EIF2B4: variants seen among roughly 807,000 people sequenced by gnomAD.
The protein encoded by EIF2B4 is eukaryotic translation initiation factor 2B subunit delta.
In EIF2B4, 34 loss-of-function variants were observed where a neutral mutation model predicts 66.7. The observed-to-expected ratio is 0.51, with a 90% CI of 0.39 to 0.68. EIF2B4 has a LOEUF of 0.68. Ranked by LOEUF, EIF2B4 falls within the 30% of genes least tolerant of loss-of-function variation. The pLI is 0.00. For synonymous variants in EIF2B4, 278 were observed against 253.6 expected, an observed-to-expected ratio of 1.10 and a Z score of -0.92; for missense variants, 618 against 657.9, an observed-to-expected ratio of 0.94 and a Z score of 0.66.
intron 11 of EIF2B4, 68 bp downstream of exon 11, chr2:27,366,691 G>A (rs1681886346): frequency 5.7e-6 from 9 of 1,572,140 alleles, no homozygotes; most frequent in Admixed American, 3.3e-5. Context: ...CTTTGGGAAG[G>A]TGAGATTATG....
At position 27,369,140 on chromosome 2, in the gene EIF2B4, C is replaced by T. The variant is rs1473812502; in HGVS notation, c.284G>A (p.Arg95Gln). ...CTCAGCCCGAAGTTCGGCCTTACTC[C>T]GACCAGCTGGAACTTTCTCCCGAGG... ...GTPREKVPAGRSKAELRAERR... is the reference protein window; with the variant it reads ...GTPREKVPAGQSKAELRAERR... Residue 95 changes from arginine to glutamine, a missense_variant, in exon 4 of 13, where the codon CGG (arginine) becomes CAG (glutamine). Physicochemically the swap from Arg to Gln is conservative, Grantham distance 43 (BLOSUM62 1). Coordinates refer to ENST00000347454, the MANE Select transcript of EIF2B4 (RefSeq NM_001034116.2). The T allele has an allele frequency of 1.2e-6, 2 of 1,613,976 alleles. No individual in the cohort carries two copies. The highest frequency in any genetic ancestry group is 1.7e-5 in the Admixed American group (1 of 60,008).
At position 27,364,405 on chromosome 2, in the gene EIF2B4, G is replaced by A. The variant is rs866717709; in HGVS notation, c.1567C>T (p.Gln523Ter). The change falls in exon 13 of 13, where the codon CAG (glutamine) becomes TAG (stop). Residue 523 changes from glutamine (Q) to a stop codon, truncating the protein, a stop_gained. Transcript: ENST00000347454. LOFTEE classifies it high-confidence loss of function. ...PVVLRVKSSD[Q>*] is the part of the protein sequence containing the mutation. The stretch of plus-strand genomic sequence containing the variant: ...TTAACCCTGTGTTTCCCCCGTCACT[G>A]GTCACTGCTCTTGACTCGTAGAACA... The A allele has an allele frequency of 6.2e-7, 1 of 1,613,870 alleles. No homozygotes were observed. The highest frequency in any genetic ancestry group is 1.3e-5 in the African/African-American group (1 of 74,892).
intron 11 of EIF2B4, chr2:27,365,744 G>A (rs1162716803): frequency 6.6e-6 from 1 of 152,094 alleles, no homozygotes; most frequent in Non-Finnish European, 1.5e-5. Flanking sequence ...ATCTCCCACA[G>A]GAAAAGTAAA....
Position 27,370,302 on chromosome 2 carries a change from C to A in EIF2B4, c.13G>T (p.Ala5Ser), listed in dbSNP as rs1188573793. The A allele has an allele frequency of 6.5e-7, 1 of 1,545,432 alleles. No homozygotes were observed. Among genetic ancestry groups the A allele is most frequent in the Non-Finnish European group, 8.7e-7 (1 of 1,147,934 alleles). MAAV[A>S]VAVREDSGSG... ...CACTCACCCTCGCGAACAGCCACGG[C>A]CACAGCAGCCATCGCCCTCAGTCCT... The change falls in exon 1 of 13, where the codon GCC becomes TCC. Residue 5 changes from alanine to serine, a missense_variant. Ala to Ser is a moderately conservative substitution (Grantham distance 99, BLOSUM62 1). Coordinates refer to ENST00000347454, the MANE Select transcript of EIF2B4 (RefSeq NM_001034116.2).
At position 27,369,885 on chromosome 2, in the gene EIF2B4, A is replaced by AG; in HGVS notation, c.65dup (p.Gly23TrpfsTer75). On this transcript the variant is annotated frameshift_variant, in exon 2 of 13. Transcript: ENST00000347454. LOFTEE classifies it high-confidence loss of function. ...GGGAAGCCTCACTTACCCCAGGCCC[A>AG]GGGGGAAGCTCCGCCTTCATCCCGG... 6.3e-7 allele frequency: 1 copy of AG among 1,583,644 alleles called. No homozygotes were observed. Among genetic ancestry groups the AG allele is most frequent in the Non-Finnish European group, 8.6e-7 (1 of 1,165,262 alleles).
In EIF2B4 at chr2:27,367,069, C is replaced by T; in HGVS notation, c.1013+5G>A. On this transcript the variant is annotated splice_donor_5th_base_variant and intron_variant, in intron 10 of 12. Transcript: ENST00000347454. ...ATCTGCTCAGTCACAAGGTCTGGAC[C>T]ATACCATCCATATACCAGGATCACA... 3 of 1,614,124 alleles carry T rather than the reference C, an allele frequency of 1.9e-6. No homozygotes were observed. Among genetic ancestry groups the T allele is most frequent in the Middle Eastern group, 1.6e-4 (1 of 6,062 alleles).
In EIF2B4 at chr2:27,366,920, G is replaced by C; in HGVS notation, c.1030C>G (p.Arg344Gly). The change falls in exon 11 of 13, where the codon CGA (arginine) becomes GGA (glycine). Residue 344 changes from arginine to glycine, a missense_variant. Transcript: ENST00000347454. The part of the protein sequence containing the change: ...LVYGCSSLVS[R>G]ILQEAWTEGR... ...TCTGTCCAAGCCTCCTGAAGAATTC[G>C]TGATACCAGAGATGAGCTAGAGTGA... 6.2e-7 allele frequency: 1 copy of C among 1,614,164 alleles called. No individual in the cohort carries two copies. The highest frequency in any genetic ancestry group is 1.1e-5 in the South Asian group (1 of 91,082).
rs1681961696 is a variant in EIF2B4, at chr2:27,367,671, A to T, written c.782+75T>A. ...AAAATAGAACACAAAATGAAAAGAG[A>T]GATAGAAAAGCAGGAAAAAGAGTAC... On this transcript the variant is annotated intron_variant, in intron 8 of 12. Coordinates refer to ENST00000347454, the MANE Select transcript of EIF2B4 (RefSeq NM_001034116.2). 7.6e-6 allele frequency: 12 copies of T among 1,585,882 alleles called. No individual in the cohort carries two copies. In the South Asian group the frequency reaches 1.1e-4, roughly 15 times the overall value.
At chr2:27,368,903 T>C (rs1682085599) in intron 4 of EIF2B4, 103 bp downstream of exon 4, 1 of 1,509,790 alleles carries the variant, frequency 6.6e-7, no homozygotes, top group African/African-American at 1.4e-5. Context: ...AATTCAGAAC[T>C]CTGGGTCCCA....
intron 3 of EIF2B4, 47 bp from the exon 4 acceptor site, chr2:27,369,259 T>C: frequency 6.2e-7 from 1 of 1,605,460 alleles, no homozygotes; most frequent in Non-Finnish European, 8.5e-7. Context: ...GCAGGTGATA[T>C]CCGTGCCCCA....
At chr2:27,369,362 A>T in intron 3 of EIF2B4, 52 bp downstream of exon 3, 4 of 1,612,598 alleles carry the variant, frequency 2.5e-6, no homozygotes, top group Non-Finnish European at 3.4e-6. Flanking sequence ...CTCCCACCAC[A>T]TCCCTCTACC....
chr2:27,367,798 G>A lies in EIF2B4; in HGVS notation c.730C>T (p.Pro244Ser). 1 of 1,614,082 alleles carries A rather than the reference G, an allele frequency of 6.2e-7. No individual in the cohort carries two copies. Among genetic ancestry groups the A allele is most frequent in the South Asian group, 1.1e-5 (1 of 91,080 alleles). ...QQVIQDYTTP[P>S]NEELSRDLVN... is the part of the protein sequence containing the mutation. ...AGATCCCTGGAGAGTTCTTCATTAGGCGGTGTTGTGTAATCCTGAATCACC... is the reference window on the plus strand; with the variant it reads ...AGATCCCTGGAGAGTTCTTCATTAGACGGTGTTGTGTAATCCTGAATCACC... Residue 244 changes from proline (P) to serine (S), a missense_variant, in exon 8 of 13, where the codon CCT (proline) becomes TCT (serine). This residue lies in a region of EIF2B4 where 506 missense variants were observed against 511.9 expected (regional missense o/e 0.99). Coordinates refer to ENST00000347454, the MANE Select transcript of EIF2B4 (RefSeq NM_001034116.2).
intron 9 of EIF2B4, 37 bp downstream of exon 9, chr2:27,367,420 A>C: frequency 6.2e-7 from 1 of 1,611,814 alleles, no homozygotes; most frequent in South Asian, 1.1e-5. Flanking sequence ...AATTTTACCC[A>C]CAGGTGCATG....
chr2:27,366,443 G>A, intron 11 of EIF2B4: 1 of 398,178 alleles, frequency 2.5e-6, no homozygotes, highest in South Asian at 2.3e-5. Flanking sequence ...AGTACTTTGG[G>A]AGGCCGAGAC....
At chr2:27,369,720 C>A in intron 2 of EIF2B4, 156 bp downstream of exon 2, 1 of 1,452,958 alleles carries the variant, frequency 6.9e-7, no homozygotes, top group Non-Finnish European at 9.5e-7. Flanking sequence ...CCTCCAGGGA[C>A]AGAATCATAT....
chr2:27,367,197 T>C lies in EIF2B4; in HGVS notation c.890A>G (p.Lys297Arg), dbSNP rs1339639031. 2 of 1,614,096 alleles carry C rather than the reference T, an allele frequency of 1.2e-6. No individual in the cohort carries two copies. Among genetic ancestry groups the C allele is most frequent in the African/African-American group, 2.7e-5 (2 of 74,940 alleles). The change falls in exon 10 of 13, where the codon AAG (lysine) becomes AGG (arginine). Residue 297 changes from lysine to arginine, a missense_variant. Transcript: ENST00000347454. Reference sequence around the variant, plus strand: ...ATCAATGGCTGCTCGAAGTTCTGACTTGGCCTAAATGGAGTAAAATCCTTA... The same window carrying C: ...ATCAATGGCTGCTCGAAGTTCTGACCTGGCCTAAATGGAGTAAAATCCTTA... Reference protein sequence around the residue: ...VGSSKREEEAKSELRAAIDRY... With the variant: ...VGSSKREEEARSELRAAIDRY...
chr2:27,365,878 A>G (rs1189175831), intron 11 of EIF2B4: 4 of 151,898 alleles, frequency 2.6e-5, no homozygotes, highest in East Asian at 1.9e-4. Flanking sequence ...ACAGAGCTAT[A>G]TAATTATTTT....
chr2:27,369,693 C>G, intron 2 of EIF2B4, 144 bp from the exon 3 acceptor site: 1 of 1,502,942 alleles, frequency 6.7e-7, no homozygotes, highest in Non-Finnish European at 9.2e-7. Flanking sequence ...CTTACATCCA[C>G]AGAGGCTGAC....
chr2:27,366,675 C>CTGT, intron 11 of EIF2B4, 84 bp downstream of exon 11: 1 of 1,513,868 alleles, frequency 6.6e-7, no homozygotes, highest in Non-Finnish European at 9.1e-7. Context: ...AAAAACAAAA[C>CTGT]TGTAACTTTG....
Sources: gnomAD v4.1 joint callset for allele counts on GRCh38, gnomAD v4.1.1 for gene constraint, gnomAD v4.1.1 regional missense constraint, MANE v1.5 for transcripts, NCBI Gene and HGNC (gene_info 2026-07-23, HGNC 2026-07-21) for gene names.